Variants in TAS2R1 observed in about 807,000 individuals in gnomAD.
TAS2R1 encodes the protein taste 2 receptor member 1, also known as taste receptor type 2 member 1.
For synonymous variants in TAS2R1, 141 were observed against 134.2 expected, an observed-to-expected ratio of 1.05 and a Z score of -0.35; for missense variants, 370 against 353.4, an observed-to-expected ratio of 1.05 and a Z score of -0.38.
chr5:9,689,173 T>A (rs1240199508), intron 1 of TAS2R1, among the ~76,000 whole-genome samples: 1 of 152,138 alleles, frequency 6.6e-6, no homozygotes, highest in Non-Finnish European at 1.5e-5. Context: ...ACTCACTCCA[T>A]CTATCTTCCT....
the TAS2R1 span, among the ~76,000 whole-genome samples, chr5:9,847,511 A>G: frequency 5.9e-5 from 9 of 152,184 alleles, no homozygotes; most frequent in South Asian, 6.2e-4. Context: ...CATGTGATCA[A>G]TTGAGGGAGT....
At chr5:9,871,932 T>C in the TAS2R1 span, among the ~76,000 whole-genome samples, 1 of 152,204 alleles carries the variant, frequency 6.6e-6, no homozygotes, top group African/African-American at 2.4e-5. Context: ...GATATGGACA[T>C]ATGCCCAGGG....
chr5:9,722,790 A>G, the TAS2R1 span, among the ~76,000 whole-genome samples: 61 of 152,226 alleles, frequency 4.0e-4, 4 homozygotes, highest in Non-Finnish European at 5.9e-5. Flanking sequence ...CACAACCCAT[A>G]CTGTTGCCAA....
the TAS2R1 span, among the ~76,000 whole-genome samples, chr5:9,837,514 G>A: frequency 1.2e-4 from 19 of 152,224 alleles, no homozygotes; most frequent in Admixed American, 1.3e-4. Flanking sequence ...ATATATCAAG[G>A]ATGAATTTGC....
At chr5:9,855,436 G>C in the TAS2R1 span, among the ~76,000 whole-genome samples, 2 of 152,254 alleles carry the variant, frequency 1.3e-5, no homozygotes, top group Non-Finnish European at 2.9e-5. Context: ...TGAGTCAAGA[G>C]TGAAGCTCTC....
At chr5:9,806,971 G>T in the TAS2R1 span, among the ~76,000 whole-genome samples, 11 of 152,074 alleles carry the variant, frequency 7.2e-5, no homozygotes, top group Non-Finnish European at 1.0e-4. Context: ...ACAACCCACA[G>T]AGTGGAGAAA....
chr5:9,708,024 A>T (rs1391004822), intron 1 of TAS2R1, among the ~76,000 whole-genome samples: 1 of 152,218 alleles, frequency 6.6e-6, no homozygotes, highest in Non-Finnish European at 1.5e-5. Context: ...GTGAGGAGAC[A>T]GAAAGGACTC....
chr5:9,783,233 T>C, the TAS2R1 span, among the ~76,000 whole-genome samples: 2 of 152,228 alleles, frequency 1.3e-5, no homozygotes, highest in Non-Finnish European at 2.9e-5. Context: ...CCTCATATAC[T>C]TAAATCATCT....
chr5:9,697,296 G>C lies in TAS2R1; in HGVS notation c.-242+14876C>G, dbSNP rs564215463. On this transcript the variant is annotated intron_variant, in intron 1 of 2. Transcript: ENST00000506620. ...AAATTTTGTTCACGTTCAAAATACT[G>C]CATCTGATATCTAGGCTTTAGAGGT... is the stretch of plus-strand genomic sequence containing the variant. Among the ~76,000 whole-genome samples the C allele has an allele frequency of 1.1e-4, 16 of 152,110 alleles. No individual in the cohort carries two copies. In the South Asian group the frequency reaches 2.1e-3, roughly 20 times the overall value.
the TAS2R1 span, among the ~76,000 whole-genome samples, chr5:9,800,258 G>A: frequency 7.2e-5 from 11 of 152,230 alleles, no homozygotes; most frequent in Non-Finnish European, 5.9e-5. Flanking sequence ...TGTCAATAGT[G>A]TAGACATTGA....
At chr5:9,804,975 A>T in the TAS2R1 span, among the ~76,000 whole-genome samples, 2 of 152,130 alleles carry the variant, frequency 1.3e-5, no homozygotes, top group Admixed American at 1.3e-4. Flanking sequence ...TGAAAAGATA[A>T]ATATAATTGA....
the TAS2R1 span, chr5:9,854,438 G>C: frequency 1.3e-5 from 2 of 151,998 alleles, no homozygotes; most frequent in Non-Finnish European, 2.9e-5. Context: ...AATTCAACAC[G>C]TAATATTCCC....
the TAS2R1 span, among the ~76,000 whole-genome samples, chr5:9,829,654 C>T: frequency 6.6e-6 from 1 of 152,176 alleles, no homozygotes; most frequent in African/African-American, 2.4e-5. Flanking sequence ...AAAGGAGGAA[C>T]CTGGCCTGCT....
chr5:9,691,469 G>C (rs1450618053), intron 1 of TAS2R1, among the ~76,000 whole-genome samples: 1 of 152,282 alleles, frequency 6.6e-6, no homozygotes, highest in East Asian at 1.9e-4. Flanking sequence ...GCAGACACAG[G>C]CATTCAGGCT....
At chr5:9,795,072 G>A in the TAS2R1 span, among the ~76,000 whole-genome samples, 2 of 152,046 alleles carry the variant, frequency 1.3e-5, no homozygotes, top group African/African-American at 4.8e-5. Context: ...TTTGTGGGGG[G>A]ACAGATATTC....
chr5:9,765,172 C>T, the TAS2R1 span, among the ~76,000 whole-genome samples: 2 of 152,098 alleles, frequency 1.3e-5, no homozygotes, highest in African/African-American at 4.8e-5. Flanking sequence ...AATTTCTCTA[C>T]ACTGAGCAGA....
the TAS2R1 span, among the ~76,000 whole-genome samples, chr5:9,733,860 C>T: frequency 6.7e-6 from 1 of 149,162 alleles, no homozygotes; most frequent in Non-Finnish European, 1.5e-5. Flanking sequence ...AATTGCATTG[C>T]TTTTTTTTTT....
chr5:9,674,291 T>C (rs1740827062), intron 1 of TAS2R1, among the ~76,000 whole-genome samples: 1 of 152,184 alleles, frequency 6.6e-6, no homozygotes. Context: ...ATATTTCAAA[T>C]ACTTAAAAAG....
At chr5:9,829,844 A>G in the TAS2R1 span, among the ~76,000 whole-genome samples, 1 of 152,154 alleles carries the variant, frequency 6.6e-6, no homozygotes, top group African/African-American at 2.4e-5. Context: ...CCCAAGCGAA[A>G]AAAAGCTTCA....
Sources: gnomAD v4.1 joint callset for allele counts (sites outside exome capture counted in the v4.1 genomes callset) on GRCh38, gnomAD v4.1.1 for gene constraint, MANE v1.5 for transcripts, NCBI Gene and HGNC (gene_info 2026-07-23, HGNC 2026-07-21) for gene names.